The following FMN1 variants were observed in gnomAD, a reference collection of about 807,000 sequenced individuals.
FMN1 encodes the protein formin 1.
FMN1 carries 110 observed loss-of-function variants against 132.4 expected under a neutral mutation model. The ratio of observed to expected loss-of-function variants is 0.83; its 90% CI spans 0.71 to 0.97. The LOEUF (loss-of-function observed/expected upper bound fraction) is 0.97, where lower values mean the gene tolerates loss of function less well. Among genes scored for constraint, FMN1 ranks in the 50% least tolerant of loss-of-function variants. FMN1 has a pLI of 0.00. For synonymous variants in FMN1, 722 were observed against 651.7 expected, an observed-to-expected ratio of 1.11 and a Z score of -1.64; for missense variants, 1,792 against 1,705.3, an observed-to-expected ratio of 1.05 and a Z score of -0.90.
intron 4 of FMN1, among the ~76,000 whole-genome samples, chr15:33,090,104 T>C (rs903240358): frequency 1.3e-5 from 2 of 152,238 alleles, no homozygotes; most frequent in Non-Finnish European, 1.5e-5. Context: ...AGTCCTCTTT[T>C]AATTCCTGGT....
intron 4 of FMN1, among the ~76,000 whole-genome samples, chr15:33,108,740 T>C (rs1332226019): frequency 6.6e-6 from 1 of 152,128 alleles, no homozygotes; most frequent in Non-Finnish European, 1.5e-5. Context: ...TTAATTGCCT[T>C]TTCCTTGATT....
intron 6 of FMN1, among the ~76,000 whole-genome samples, chr15:33,011,736 T>A (rs764631933): frequency 2.0e-5 from 3 of 152,070 alleles, no homozygotes; most frequent in Non-Finnish European, 4.4e-5. Flanking sequence ...AATATATAAA[T>A]GCATCCTACA....
At chr15:33,053,313 G>C (rs2037065627) in intron 6 of FMN1, among the ~76,000 whole-genome samples, 1 of 150,868 alleles carries the variant, frequency 6.6e-6, no homozygotes, top group South Asian at 2.1e-4. Flanking sequence ...ACCCCTGCCT[G>C]GGCATTGCCA....
At chr15:33,103,888 G>C (rs2039385769) in intron 4 of FMN1, among the ~76,000 whole-genome samples, 1 of 151,998 alleles carries the variant, frequency 6.6e-6, no homozygotes, top group South Asian at 2.1e-4. Flanking sequence ...TCTTCCCCCT[G>C]AGGTAATTTC....
At chr15:32,993,243 T>A (rs148830084) in intron 7 of FMN1, among the ~76,000 whole-genome samples, 129 of 151,644 alleles carry the variant, frequency 8.5e-4, no homozygotes, top group African/African-American at 3.0e-3. Context: ...TGCTGCTTTA[T>A]AAGTCAAATA....
chr15:33,168,287 A>G (rs952192922), intron 3 of FMN1, among the ~76,000 whole-genome samples: 17 of 152,334 alleles, frequency 1.1e-4, no homozygotes, highest in Admixed American at 3.9e-4. Flanking sequence ...GGGGCCTCTA[A>G]TATAAGGATT....
At chr15:33,180,722 C>G (rs947006637) in intron 2 of FMN1, among the ~76,000 whole-genome samples, 10 of 150,012 alleles carry the variant, frequency 6.7e-5, no homozygotes, top group African/African-American at 2.5e-4. Context: ...CAGCCAGATC[C>G]CTTCAGAGGC....
At chr15:32,807,547 T>A (rs553076444) in intron 17 of FMN1, among the ~76,000 whole-genome samples, 1 of 152,356 alleles carries the variant, frequency 6.6e-6, no homozygotes, top group East Asian at 1.9e-4. Flanking sequence ...TTGGACCAGC[T>A]CTGCTCTCTC....
In FMN1 at chr15:32,921,707, T is replaced by C. The variant is rs138999602; in HGVS notation, c.3226+4467A>G. On this transcript the variant is annotated intron_variant, in intron 10 of 20. Transcript: ENST00000616417. ...TTTTTTTTTTTCGAGATAAGAGTCT[T>C]GCTCTGTTGCCCAGGCTGGAGTACA... 2.5e-3 allele frequency among the ~76,000 whole-genome samples: 373 copies of C among 150,886 alleles called. 1 individual carries two copies. Among genetic ancestry groups the C allele is most frequent in the African/African-American group, 8.5e-3 (348 of 41,146 alleles).
intron 7 of FMN1, among the ~76,000 whole-genome samples, chr15:33,001,479 A>C (rs2034101861): frequency 6.6e-6 from 1 of 151,898 alleles, no homozygotes; most frequent in Non-Finnish European, 1.5e-5. Flanking sequence ...CCATGACTTC[A>C]CTGTTTTATG....
chr15:32,935,289 C>T (rs1361223264), intron 9 of FMN1, among the ~76,000 whole-genome samples: 2 of 151,972 alleles, frequency 1.3e-5, no homozygotes, highest in Admixed American at 6.5e-5. Flanking sequence ...AATATATTAC[C>T]CTATATCCTT....
intron 7 of FMN1, among the ~76,000 whole-genome samples, chr15:32,981,450 G>A (rs760376072): frequency 4.0e-5 from 6 of 151,098 alleles, no homozygotes; most frequent in Non-Finnish European, 7.4e-5. Flanking sequence ...CCCAGGAGGC[G>A]GAGCCTGCAG....
chr15:33,097,888 C>T (rs766065724), intron 4 of FMN1, among the ~76,000 whole-genome samples: 1 of 152,094 alleles, frequency 6.6e-6, no homozygotes, highest in Non-Finnish European at 1.5e-5. Flanking sequence ...AAAAACTAAA[C>T]ATTACCCATC....
chr15:33,140,193 AACACACAC>A (rs61485667), intron 4 of FMN1, among the ~76,000 whole-genome samples: 6,826 of 142,926 alleles, frequency 0.048, 189 homozygotes, highest in Non-Finnish European at 0.059. Flanking sequence ...CCTATGGTTA[AACACACAC>A]ACACACACAC....
intron 17 of FMN1, among the ~76,000 whole-genome samples, chr15:32,855,451 C>G (rs1235522125): frequency 1.3e-5 from 2 of 152,172 alleles, no homozygotes; most frequent in African/African-American, 4.8e-5. Context: ...AGAGAAGAGG[C>G]TAACACATTA....
At chr15:33,178,984 A>G (rs1441818280) in intron 3 of FMN1, among the ~76,000 whole-genome samples, 2 of 152,256 alleles carry the variant, frequency 1.3e-5, no homozygotes, top group Non-Finnish European at 2.9e-5. Flanking sequence ...ATCTAAAGAT[A>G]CAAATCCAAC....
chr15:32,907,999 T>A (rs988512764), intron 12 of FMN1, among the ~76,000 whole-genome samples: 1 of 152,068 alleles, frequency 6.6e-6, no homozygotes, highest in African/African-American at 2.4e-5. Context: ...AACAAGCATG[T>A]ACAGAGTGAG....
chr15:33,083,803 A>G (rs1230296025), intron 5 of FMN1, among the ~76,000 whole-genome samples: 1 of 152,212 alleles, frequency 6.6e-6, no homozygotes, highest in African/African-American at 2.4e-5. Context: ...CACAAGATAC[A>G]GGTCACAAAG....
chr15:32,784,585 T>C (rs2056789042), intron 19 of FMN1, among the ~76,000 whole-genome samples: 1 of 152,180 alleles, frequency 6.6e-6, no homozygotes, highest in African/African-American at 2.4e-5. Context: ...AACCACAAGA[T>C]TTCAGATTTT....
Sources: gnomAD v4.1 joint callset for allele counts (sites outside exome capture counted in the v4.1 genomes callset) on GRCh38, gnomAD v4.1.1 for gene constraint, MANE v1.5 for transcripts, NCBI Gene and HGNC (gene_info 2026-07-23, HGNC 2026-07-21) for gene names.